The following SORBS2 variants were observed in gnomAD, a reference collection of about 807,000 sequenced individuals.
SORBS2 encodes sorbin and SH3 domain-containing protein 2.
SORBS2 carries 46 observed loss-of-function variants against 97.7 expected under a neutral mutation model. The observed-to-expected ratio is 0.47, with a 90% CI of 0.37 to 0.60. The LOEUF is 0.60. Ranked by LOEUF, SORBS2 falls within the 20% of genes least tolerant of loss-of-function variation. The probability of loss-of-function intolerance (pLI) is 0.00; values close to 1 mark genes in which losing one functional copy is unlikely to be tolerated. For synonymous variants in SORBS2, 476 were observed against 473.4 expected, an observed-to-expected ratio of 1.01 and a Z score of -0.07; for missense variants, 1,316 against 1,282.3, an observed-to-expected ratio of 1.03 and a Z score of -0.40.
At position 185,681,045 on chromosome 4, in the gene SORBS2, C is replaced by T. The variant is rs534519897; in HGVS notation, c.-197-2223G>A. On this transcript the variant is annotated intron_variant, in intron 2 of 20. Transcript: ENST00000284776. The stretch of plus-strand genomic sequence containing the variant: ...AGGGTCTTGCATCGCACAGTGGACA[C>T]GAGTGTGCAGAATTAAGAGAAAGGA... 2.8e-4 allele frequency among the ~76,000 whole-genome samples: 42 copies of T among 152,112 alleles called. No homozygotes were observed. In the South Asian group the frequency reaches 7.3e-3, roughly 26 times the overall value.
chr4:185,839,561 G>T (rs978864728), intron 1 of SORBS2, among the ~76,000 whole-genome samples: 45 of 152,156 alleles, frequency 3.0e-4, no homozygotes, highest in African/African-American at 9.9e-4. Context: ...CCCTAGGGAG[G>T]AGGCCTGGGG....
At chr4:185,943,644 T>A (rs2099273173) in intron 1 of SORBS2, among the ~76,000 whole-genome samples, 1 of 152,000 alleles carries the variant, frequency 6.6e-6, no homozygotes, top group South Asian at 2.1e-4. Context: ...TTAATAGAGA[T>A]GAAATTCCTG....
chr4:185,768,721 A>C (rs1424659563), intron 2 of SORBS2, among the ~76,000 whole-genome samples: 3 of 89,170 alleles, frequency 3.4e-5, no homozygotes, highest in Non-Finnish European at 5.2e-5. Context: ...ACAAAAAAAC[A>C]AAAAAAAATG....
intron 1 of SORBS2, among the ~76,000 whole-genome samples, chr4:185,817,926 G>A (rs896543474): frequency 2.0e-5 from 3 of 152,132 alleles, no homozygotes; most frequent in African/African-American, 7.2e-5. Context: ...TAATAAGATG[G>A]GCCCAAGTGA....
chr4:185,923,589 G>T (rs557828415), intron 1 of SORBS2, among the ~76,000 whole-genome samples: 2 of 149,276 alleles, frequency 1.3e-5, no homozygotes, highest in African/African-American at 4.9e-5. Flanking sequence ...GTGAACCACC[G>T]TGCCTGGCCA....
At chr4:185,904,433 C>T (rs2099249535) in intron 1 of SORBS2, among the ~76,000 whole-genome samples, 1 of 152,184 alleles carries the variant, frequency 6.6e-6, no homozygotes, top group Non-Finnish European at 1.5e-5. Context: ...GCAGTGGCCT[C>T]TTCAGGCTTT....
At position 185,606,040 on chromosome 4, in the gene SORBS2, G is replaced by A. The variant is rs2096410661; in HGVS notation, c.2796+5740C>T. 1.0e-6 allele frequency: 1 copy of A among 960,164 alleles called. No individual in the cohort carries two copies. The highest frequency in any genetic ancestry group is 6.2e-5 in the Admixed American group (1 of 16,228). The allele number at this position is 960,164 out of a possible 1,614,324, so 59.5% of individuals were successfully genotyped here. On this transcript the variant is annotated intron_variant, in intron 12 of 14. Transcript: ENST00000418609. The surrounding 1 kb of genome is among the most constrained non-coding windows in gnomAD (Gnocchi z 4.3). Reference sequence around the variant, plus strand: ...ACGACCTCTTTAGAAAATCGAAAGGGGACAGAAGTGCTGTTTTTCTTTTCT... The same window carrying A: ...ACGACCTCTTTAGAAAATCGAAAGGAGACAGAAGTGCTGTTTTTCTTTTCT...
chr4:185,890,162 C>T (rs916452563), intron 1 of SORBS2, among the ~76,000 whole-genome samples: 9 of 152,220 alleles, frequency 5.9e-5, no homozygotes, highest in African/African-American at 2.2e-4. Flanking sequence ...TCTGGGATTA[C>T]AGGTGTGAGC....
intron 11 of SORBS2, among the ~76,000 whole-genome samples, chr4:185,613,453 G>T (rs1010180204): frequency 2.6e-5 from 4 of 152,034 alleles, no homozygotes; most frequent in South Asian, 2.1e-4. Context: ...TTCGAGACCA[G>T]CCTGGCCAAC....
chr4:185,834,508 AAAC>A (rs2099206915), intron 1 of SORBS2, among the ~76,000 whole-genome samples: 1 of 152,194 alleles, frequency 6.6e-6, no homozygotes, highest in African/African-American at 2.4e-5. Context: ...GTAGAGAAGA[AAAC>A]AATAGTTAAA....
At chr4:185,589,862 T>A (rs2095879454) in intron 13 of SORBS2, 77 bp from the exon 26 acceptor site, 1 of 866,546 alleles carries the variant, frequency 1.2e-6, no homozygotes, top group Admixed American at 1.8e-5. Context: ...CAATATTCAT[T>A]CTTCCTTTAA....
intron 2 of SORBS2, among the ~76,000 whole-genome samples, chr4:185,758,381 C>T (rs374614210): frequency 9.2e-5 from 14 of 152,136 alleles, no homozygotes; most frequent in African/African-American, 2.9e-4. Context: ...ACACTGTGCC[C>T]GCTTGCCTTC....
At chr4:185,914,982 G>A (rs546440243) in intron 1 of SORBS2, among the ~76,000 whole-genome samples, 3 of 152,312 alleles carry the variant, frequency 2.0e-5, no homozygotes, top group Non-Finnish European at 2.9e-5. Flanking sequence ...CAGTGGTGAC[G>A]TGTGGCAAAT....
intron 1 of SORBS2, among the ~76,000 whole-genome samples, chr4:185,865,671 C>A (rs2099226479): frequency 6.6e-6 from 1 of 152,188 alleles, no homozygotes; most frequent in Admixed American, 6.5e-5. Flanking sequence ...CTTAGCCTAA[C>A]TTTTAGACGT....
At chr4:185,856,890 C>T (rs749302751) in intron 1 of SORBS2, among the ~76,000 whole-genome samples, 3 of 152,062 alleles carry the variant, frequency 2.0e-5, no homozygotes, top group Non-Finnish European at 2.9e-5. Context: ...TAAGAGAAAG[C>T]GAGGGAGTAC....
At chr4:185,588,587 T>TCTCCTTCCTC (rs138160304) in intron 14 of SORBS2, among the ~76,000 whole-genome samples, 2 of 122,860 alleles carry the variant, frequency 1.6e-5, no homozygotes, top group Non-Finnish European at 3.6e-5. Context: ...ATTTTACGTT[T>TCTCCTTCCTC]CTCCTCCCTC....
At chr4:185,594,833 A>T (rs1039031447) in intron 12 of SORBS2, among the ~76,000 whole-genome samples, 3 of 152,210 alleles carry the variant, frequency 2.0e-5, no homozygotes, top group Non-Finnish European at 2.9e-5. Context: ...TTCATAATCC[A>T]TTTCAAAAGC....
chr4:185,796,172 T>A (rs2099103710), intron 1 of SORBS2, among the ~76,000 whole-genome samples: 4 of 152,162 alleles, frequency 2.6e-5, no homozygotes. Flanking sequence ...TCTGAAAGTG[T>A]TGGGATTAAC....
intron 1 of SORBS2, among the ~76,000 whole-genome samples, chr4:185,865,289 A>G (rs2099226235): frequency 6.6e-6 from 1 of 152,172 alleles, no homozygotes; most frequent in African/African-American, 2.4e-5. Context: ...CCTGCACAGG[A>G]ACAAGGGGCG....
Sources: allele counts gnomAD v4.1 joint callset (sites outside exome capture counted in the v4.1 genomes callset), GRCh38; gene constraint gnomAD v4.1.1; non-coding constraint Gnocchi (gnomAD v3.1); transcripts MANE v1.5; gene names NCBI Gene and HGNC (gene_info 2026-07-23, HGNC 2026-07-21).